Variants in BSDC1 observed in about 807,000 individuals in gnomAD.
BSDC1 encodes the protein BSD domain-containing protein 1.
Under a neutral mutation model 56.0 loss-of-function variants are expected in BSDC1, and 29 were observed. That is an observed-to-expected ratio of 0.52 (90% CI 0.39 to 0.71). The LOEUF is 0.71. Ranked by LOEUF, BSDC1 falls within the 30% of genes least tolerant of loss-of-function variation. The pLI is 0.00. For synonymous variants in BSDC1, 210 were observed against 215.3 expected (o/e 0.98, Z 0.21); for missense variants, 477 against 548.5 (o/e 0.87, Z 1.30).
chr1:32,394,409 C>T lies in BSDC1; in HGVS notation c.6G>A (p.Ala2=). The change falls in exon 1 of 11, where the codon GCG becomes GCA. Residue 2 remains alanine, a synonymous_variant. Coordinates refer to ENST00000455895, the MANE Select transcript of BSDC1 (RefSeq NM_018045.8). The stretch of plus-strand genomic sequence containing the variant: ...GAGCAAAACGACAAGCTCACCCTTC[C>T]GCCATCTTGCCTGCATGACATCACC... The part of the protein sequence containing the change: M[A]EGEDVGWWRS... The T allele has an allele frequency of 1.2e-6, 2 of 1,614,186 alleles. No individual in the cohort carries two copies. The highest frequency in any genetic ancestry group is 1.3e-5 in the African/African-American group (1 of 75,038).
chr1:32,365,645 A>C lies in BSDC1; in HGVS notation c.*977T>G, dbSNP rs1641819161. 6.6e-6 allele frequency: 1 copy of C among 152,664 alleles called. No homozygotes were observed. Among genetic ancestry groups the C allele is most frequent in the Non-Finnish European group, 1.5e-5 (1 of 68,058 alleles). 9.5% of individuals were successfully genotyped at this position (152,664 alleles called of 1,614,324 possible). A position where few individuals can be genotyped will look rare whatever the true frequency, so the allele number is the denominator to read the frequency against. ...GAAGAAGAGCTTTTGCAGAAGCCTG[A>C]TGAGAGTTTCAAGTTCACCCCCAGG... On this transcript the variant is annotated 3_prime_UTR_variant, in exon 11 of 11. Transcript: ENST00000455895.
At chr1:32,380,571 G>A (rs910438248) in intron 5 of BSDC1, among the ~76,000 whole-genome samples, 7 of 152,112 alleles carry the variant, frequency 4.6e-5, no homozygotes, top group South Asian at 2.1e-4. Context: ...GCTAGAACCC[G>A]GGAGGCGGAG....
At chr1:32,368,131 C>G (rs1037805914) in intron 10 of BSDC1, 13 of 1,403,134 alleles carry the variant, frequency 9.3e-6, no homozygotes, top group South Asian at 3.2e-5. Context: ...CTTGGCCTCC[C>G]AAAGTGTTGG....
chr1:32,391,187 G>T (rs1027966558), intron 2 of BSDC1, among the ~76,000 whole-genome samples: 1 of 152,136 alleles, frequency 6.6e-6, no homozygotes, highest in Non-Finnish European at 1.5e-5. Context: ...GATCACTAGC[G>T]TCAAATGCAG....
At position 32,366,800 on chromosome 1, in the gene BSDC1, A is replaced by C. The variant is rs547147919; in HGVS notation, c.1261-146T>G. 2.9e-6 allele frequency: 4 copies of C among 1,401,702 alleles called. No individual in the cohort carries two copies. The African/African-American group carries it at 4.4e-5, about 15-fold the overall frequency. The allele number at this position is 1,401,702 out of a possible 1,614,324, so 86.8% of individuals were successfully genotyped here. A position where few individuals can be genotyped will look rare whatever the true frequency, so the allele number is the denominator to read the frequency against. On this transcript the variant is annotated intron_variant, in intron 10 of 10. Coordinates refer to ENST00000455895, the MANE Select transcript of BSDC1 (RefSeq NM_018045.8). ...GAGGTCCCACTGAGAGTGAACCCCT[A>C]GTCTTAAGGAATGTGTCTGAGGGGC...
At chr1:32,368,964 G>A (rs1349587748) in intron 9 of BSDC1, among the ~76,000 whole-genome samples, 1 of 152,196 alleles carries the variant, frequency 6.6e-6, no homozygotes, top group African/African-American at 2.4e-5. Context: ...CTCCCAAGGT[G>A]CTGGGATTAT....
At chr1:32,389,251 T>C (rs1307530760) in intron 2 of BSDC1, among the ~76,000 whole-genome samples, 1 of 152,180 alleles carries the variant, frequency 6.6e-6, no homozygotes, top group Non-Finnish European at 1.5e-5. Context: ...TAGTTTAGAC[T>C]TCAGATGACC....
At chr1:32,387,948 A>C (rs1642730040) in intron 2 of BSDC1, among the ~76,000 whole-genome samples, 1 of 152,192 alleles carries the variant, frequency 6.6e-6, no homozygotes, top group African/African-American at 2.4e-5. Flanking sequence ...TTCTATTCAT[A>C]TACAAAGCTC....
intron 2 of BSDC1, chr1:32,393,872 A>T (rs1422780731): frequency 7.3e-6 from 4 of 549,330 alleles, no homozygotes; most frequent in Non-Finnish European, 1.3e-5. Context: ...AGCCTTTAAA[A>T]CCATCTTTAT....
At chr1:32,380,606 ATTGCACTCCATC>A (rs1642448868) in intron 5 of BSDC1, among the ~76,000 whole-genome samples, 1 of 152,184 alleles carries the variant, frequency 6.6e-6, no homozygotes, top group Non-Finnish European at 1.5e-5. Flanking sequence ...AGATCGCGCC[ATTGCACTCCATC>A]CTGGGAGACA....
chr1:32,372,317 G>A (rs925806232), intron 9 of BSDC1, among the ~76,000 whole-genome samples: 11 of 152,238 alleles, frequency 7.2e-5, no homozygotes, highest in African/African-American at 2.4e-4. Context: ...CAGGCTTCCT[G>A]TGGGTTAGCC....
chr1:32,385,563 C>T (rs879586701), intron 3 of BSDC1, among the ~76,000 whole-genome samples: 15 of 152,028 alleles, frequency 9.9e-5, no homozygotes, highest in African/African-American at 2.2e-4. Flanking sequence ...CCTATCTCTA[C>T]AAAAAATACA....
intron 9 of BSDC1, among the ~76,000 whole-genome samples, chr1:32,369,856 G>A (rs373269837): frequency 6.6e-6 from 1 of 152,166 alleles, no homozygotes; most frequent in East Asian, 1.9e-4. Flanking sequence ...GCAGTGGCAC[G>A]ATCTCAGCTC....
At position 32,394,174 on chromosome 1, in the gene BSDC1, G is replaced by C. The variant is rs760828136; in HGVS notation, c.12-34C>G. ...GACAGACACATCTGGCAGCACCGCG[G>C]TGCGATTCCTGCCCGCCCAAGGATC... is the stretch of plus-strand genomic sequence containing the variant. On this transcript the variant is annotated intron_variant, in intron 1 of 10. Transcript: ENST00000455895. The C allele has an allele frequency of 1.9e-5, 30 of 1,598,704 alleles. 1 individual carries two copies. The South Asian group carries it at 3.3e-4, about 17-fold the overall frequency.
At chr1:32,368,294 G>C in intron 10 of BSDC1, 153 bp downstream of exon 10, 1 of 1,583,140 alleles carries the variant, frequency 6.3e-7, no homozygotes, top group Admixed American at 1.8e-5. Flanking sequence ...CAATGTTGTG[G>C]GTCTGAGCAG....
At position 32,366,470 on chromosome 1, in the gene BSDC1, G is replaced by A; in HGVS notation, c.*152C>T. The A allele has an allele frequency of 2.5e-6, 2 of 788,708 alleles. No individual in the cohort carries two copies. The highest frequency in any genetic ancestry group is 4.4e-6 in the Non-Finnish European group (2 of 452,704). 48.9% of individuals were successfully genotyped at this position (788,708 alleles called of 1,614,324 possible). ...TTCCCAGGTGTGAGCAGAGGCCCAA[G>A]AGGGCCAGCAGGGAGCCACCAGAAT... On this transcript the variant is annotated 3_prime_UTR_variant, in exon 11 of 11. Coordinates refer to ENST00000455895, the MANE Select transcript of BSDC1 (RefSeq NM_018045.8).
intron 4 of BSDC1, among the ~76,000 whole-genome samples, chr1:32,383,099 A>T (rs1642544883): frequency 6.6e-6 from 1 of 152,090 alleles, no homozygotes; most frequent in Non-Finnish European, 1.5e-5. Flanking sequence ...AACATGAAGG[A>T]AATAATGGAA....
chr1:32,393,307 G>A (rs910020707), intron 2 of BSDC1, among the ~76,000 whole-genome samples: 4 of 152,172 alleles, frequency 2.6e-5, no homozygotes, highest in African/African-American at 9.7e-5. Context: ...TCAGCAAGAA[G>A]GCCTTCCACT....
At chr1:32,390,137 C>A (rs569002357) in intron 2 of BSDC1, among the ~76,000 whole-genome samples, 1 of 152,194 alleles carries the variant, frequency 6.6e-6, no homozygotes, top group African/African-American at 2.4e-5. Flanking sequence ...CCTGGTCAGC[C>A]CTATGGATGA....
Sources: allele counts gnomAD v4.1 joint callset (sites outside exome capture counted in the v4.1 genomes callset), GRCh38; gene constraint gnomAD v4.1.1; transcripts MANE v1.5; gene names NCBI Gene and HGNC (gene_info 2026-07-23, HGNC 2026-07-21).